Variants in PIP5K1C observed in about 807,000 individuals in gnomAD.
The protein encoded by PIP5K1C is phosphatidylinositol-4-phosphate 5-kinase type 1 gamma.
PIP5K1C carries 45 observed loss-of-function variants against 80.1 expected under a neutral mutation model. That is an observed-to-expected ratio of 0.56 (90% CI 0.44 to 0.72). The LOEUF (loss-of-function observed/expected upper bound fraction) is 0.72, where lower values mean the gene tolerates loss of function less well. PIP5K1C is among the 30% of genes least tolerant of loss of function. The pLI is 0.00. For missense variants in PIP5K1C, 753 were observed against 954.6 expected (o/e 0.79, Z 2.78); for synonymous variants, 498 against 420.1 (o/e 1.19, Z -2.27).
In PIP5K1C at chr19:3,688,691, C is replaced by T. The variant is rs934115572; in HGVS notation, c.94+11606G>A. On this transcript the variant is annotated intron_variant, in intron 1 of 17. Transcript: ENST00000335312. The surrounding 1 kb of genome is among the most constrained non-coding windows in gnomAD (Gnocchi z 5.3). ...CCCGGATGAGCCCCATGGAGAAACC[C>T]GTAGTGAGAGAAGCTTTGCTCAAAC... Among the ~76,000 whole-genome samples the T allele has an allele frequency of 6.6e-6, 1 of 151,940 alleles. No individual in the cohort carries two copies. The highest frequency in any genetic ancestry group is 2.4e-5 in the African/African-American group (1 of 41,328).
At chr19:3,693,969 T>C (rs558401947) in intron 1 of PIP5K1C, among the ~76,000 whole-genome samples, 32 of 152,098 alleles carry the variant, frequency 2.1e-4, no homozygotes, top group Non-Finnish European at 3.4e-4. Context: ...TCCCAGCACT[T>C]TGGGAGGCTG....
In PIP5K1C at chr19:3,688,142, C is replaced by T. The variant is rs964192820; in HGVS notation, c.94+12155G>A. Among the ~76,000 whole-genome samples, 1 of 152,194 alleles carries T rather than the reference C, an allele frequency of 6.6e-6. No homozygotes were observed. The highest frequency in any genetic ancestry group is 1.5e-5 in the Non-Finnish European group (1 of 68,020). On this transcript the variant is annotated intron_variant, in intron 1 of 17. Transcript: ENST00000335312. The surrounding 1 kb of genome is among the most constrained non-coding windows in gnomAD (Gnocchi z 5.3). ...GATGGGCCCCGAGCTGAGGCTCCCG[C>T]AGCCAGGGTCTGCGCGTGGTCCCCA...
At chr19:3,674,702 C>T (rs915256883) in intron 1 of PIP5K1C, among the ~76,000 whole-genome samples, 10 of 152,202 alleles carry the variant, frequency 6.6e-5, no homozygotes, top group Admixed American at 2.0e-4. Context: ...GGGGTTTCAC[C>T]GTGTTACCCA....
Position 3,637,042 on chromosome 19 carries a change from T to G in PIP5K1C, c.1920+1842A>C. On this transcript the variant is annotated intron_variant, in intron 16 of 17. Transcript: ENST00000335312. This position sits in a 1 kb window ranked among gnomAD's most constrained non-coding sequence, Gnocchi z 7.0. ...TCAGCGCCTCCATCTGTGAGGTGGG[T>G]GTGGAGAGACCATCTCCTCCCCGTC... 1 of 1,126,746 alleles carries G rather than the reference T, an allele frequency of 8.9e-7. No homozygotes were observed. Among genetic ancestry groups the G allele is most frequent in the Non-Finnish European group, 1.1e-6 (1 of 916,150 alleles). 69.8% of individuals were successfully genotyped at this position (1,126,746 alleles called of 1,614,324 possible).
At chr19:3,684,851 C>G (rs2035704116) in intron 1 of PIP5K1C, among the ~76,000 whole-genome samples, 1 of 151,268 alleles carries the variant, frequency 6.6e-6, no homozygotes, top group Non-Finnish European at 1.5e-5. Flanking sequence ...AACTCAAGCT[C>G]TTAGTGCCAC....
intron 1 of PIP5K1C, among the ~76,000 whole-genome samples, chr19:3,698,224 C>A (rs966021218): frequency 3.3e-5 from 5 of 152,226 alleles, no homozygotes; most frequent in African/African-American, 1.2e-4. Flanking sequence ...GGGTGGCCAA[C>A]CGGCACGACA....
intron 16 of PIP5K1C, 95 bp from the exon 17 acceptor site, chr19:3,633,615 T>TA: frequency 1.2e-6 from 1 of 820,984 alleles, no homozygotes; most frequent in Non-Finnish European, 1.7e-6. Context: ...CAGGAGAACA[T>TA]AAAAGAGGCG....
In PIP5K1C at chr19:3,630,356, G is replaced by T. The variant is rs1463761659; in HGVS notation, c.*2811C>A. On this transcript the variant is annotated 3_prime_UTR_variant, in exon 18 of 18. Transcript: ENST00000335312. ...CACAGCACCCTCGTCTCGGCGCTTTGGATTGTCACGCACCAGACCACGGGG... is the reference window on the plus strand; with the variant it reads ...CACAGCACCCTCGTCTCGGCGCTTTTGATTGTCACGCACCAGACCACGGGG... The T allele has an allele frequency of 6.6e-6, 1 of 152,570 alleles. No homozygotes were observed. Among genetic ancestry groups the T allele is most frequent in the Admixed American group, 6.6e-5 (1 of 15,266 alleles). The allele number at this position is 152,570 out of a possible 1,614,324, so 9.5% of individuals were successfully genotyped here.
intron 1 of PIP5K1C, among the ~76,000 whole-genome samples, chr19:3,677,717 T>TGGAGGGATGG (rs2035405049): frequency 1.9e-5 from 2 of 102,686 alleles, no homozygotes; most frequent in African/African-American, 4.2e-5. Context: ...GGAGGGATGG[T>TGGAGGGATGG]GGGATGGAGG....
intron 1 of PIP5K1C, among the ~76,000 whole-genome samples, chr19:3,678,525 GGGAT>G (rs1600065899): frequency 6.7e-5 from 8 of 118,890 alleles, no homozygotes; most frequent in East Asian, 3.0e-4. Context: ...GATGGAGGGA[GGGAT>G]GGATGGAGGG....
At chr19:3,640,944 C>T (rs2033935114) in intron 15 of PIP5K1C, among the ~76,000 whole-genome samples, 2 of 152,170 alleles carry the variant, frequency 1.3e-5, no homozygotes, top group Admixed American at 6.5e-5. Flanking sequence ...GCCTCAGCCT[C>T]CCAAAGTGCT....
At chr19:3,681,888 T>G (rs2035600564) in intron 1 of PIP5K1C, among the ~76,000 whole-genome samples, 1 of 152,082 alleles carries the variant, frequency 6.6e-6, no homozygotes, top group African/African-American at 2.4e-5. Context: ...GGGCCTGCGT[T>G]TGGTCCTCTG....
intron 8 of PIP5K1C, among the ~76,000 whole-genome samples, chr19:3,650,678 TGGTGTCCAGCA>T (rs2034405828): frequency 6.6e-6 from 1 of 152,240 alleles, no homozygotes; most frequent in Non-Finnish European, 1.5e-5. Flanking sequence ...CCTCTGCCCC[TGGTGTCCAGCA>T]GACATGACTG....
At chr19:3,652,786 CTG>C (rs2034498531) in intron 7 of PIP5K1C, among the ~76,000 whole-genome samples, 1 of 152,118 alleles carries the variant, frequency 6.6e-6, no homozygotes, top group African/African-American at 2.4e-5. Context: ...GGTGAGGAAA[CTG>C]AGGCACAGCA....
rs933907492 is a variant in PIP5K1C, at chr19:3,676,333, C to T, written c.95-8980G>A. Among the ~76,000 whole-genome samples, 10 of 152,320 alleles carry T rather than the reference C, an allele frequency of 6.6e-5. No individual in the cohort carries two copies. The East Asian group carries it at 1.2e-3, about 18-fold the overall frequency. On this transcript the variant is annotated intron_variant, in intron 1 of 17. Coordinates refer to ENST00000335312, the MANE Select transcript of PIP5K1C (RefSeq NM_012398.3). ...GCCGTAAACTGTCACCCGGTACATC[C>T]GCGGTCCCCGGCACCCACCACTCCC...
At chr19:3,643,709 C>G (rs1039631273) in intron 12 of PIP5K1C, among the ~76,000 whole-genome samples, 3 of 133,778 alleles carry the variant, frequency 2.2e-5, no homozygotes, top group Non-Finnish European at 4.7e-5. Flanking sequence ...CGCTGCTTGG[C>G]CACACGGGCT....
chr19:3,656,092 TG>T (rs2034620461), intron 6 of PIP5K1C, among the ~76,000 whole-genome samples: 1 of 152,214 alleles, frequency 6.6e-6, no homozygotes. Flanking sequence ...CTGCTGGTTC[TG>T]GGGCCCACGG....
At chr19:3,638,411 C>T (rs2033797266) in intron 16 of PIP5K1C, among the ~76,000 whole-genome samples, 1 of 152,246 alleles carries the variant, frequency 6.6e-6, no homozygotes, top group Non-Finnish European at 1.5e-5. Context: ...CAAGGATAAG[C>T]CCACCTGGCC....
intron 6 of PIP5K1C, among the ~76,000 whole-genome samples, chr19:3,653,836 A>C (rs1321395659): frequency 6.6e-6 from 1 of 152,258 alleles, no homozygotes; most frequent in African/African-American, 2.4e-5. Flanking sequence ...GCCCCAAGGC[A>C]GGCGCTTCTG....
Sources: gnomAD v4.1 joint callset for allele counts (sites outside exome capture counted in the v4.1 genomes callset) on GRCh38, gnomAD v4.1.1 for gene constraint, Gnocchi (gnomAD v3.1) non-coding constraint, MANE v1.5 for transcripts, NCBI Gene and HGNC (gene_info 2026-07-23, HGNC 2026-07-21) for gene names.